ADAMTSL1: variants seen among roughly 807,000 people sequenced by gnomAD.
ADAMTSL1 encodes ADAMTS like 1.
In ADAMTSL1, 126 loss-of-function variants were observed where a neutral mutation model predicts 201.8. The observed-to-expected ratio is 0.62, with a 90% CI of 0.54 to 0.72. The LOEUF (loss-of-function observed/expected upper bound fraction) is 0.72, where lower values mean the gene tolerates loss of function less well. Among genes scored for constraint, ADAMTSL1 ranks in the 30% least tolerant of loss-of-function variants. ADAMTSL1 has a pLI of 0.00. For missense variants in ADAMTSL1, 2,679 were observed against 2,277.8 expected (o/e 1.18, Z -3.59); for synonymous variants, 1,121 against 903.4 (o/e 1.24, Z -4.32).
chr9:18,765,194 A>G (rs1169744483), intron 16 of ADAMTSL1, among the ~76,000 whole-genome samples: 2 of 152,210 alleles, frequency 1.3e-5, no homozygotes, highest in African/African-American at 4.8e-5. Flanking sequence ...TCATAAAAAT[A>G]TTTAGAAAAA....
At chr9:18,229,442 C>T (rs1253068937) in intron 2 of ADAMTSL1, among the ~76,000 whole-genome samples, 1 of 151,834 alleles carries the variant, frequency 6.6e-6, no homozygotes, top group Non-Finnish European at 1.5e-5. Flanking sequence ...TTCCACCCTG[C>T]CAGGAAATAA....
At chr9:18,030,214 G>A (rs1490891762) in intron 1 of ADAMTSL1, among the ~76,000 whole-genome samples, 1 of 152,204 alleles carries the variant, frequency 6.6e-6, no homozygotes, top group Admixed American at 6.5e-5. Context: ...ATACTATGCA[G>A]CCATAAAAAA....
intron 1 of ADAMTSL1, among the ~76,000 whole-genome samples, chr9:18,042,042 A>C (rs559638879): frequency 1.1e-4 from 16 of 151,438 alleles, no homozygotes; most frequent in Non-Finnish European, 2.4e-4. Context: ...TACTCCGTGC[A>C]TGAAGTGCCA....
intron 20 of ADAMTSL1, among the ~76,000 whole-genome samples, chr9:18,816,733 T>C (rs1823874156): frequency 6.8e-6 from 1 of 147,928 alleles, no homozygotes; most frequent in South Asian, 2.2e-4. Flanking sequence ...TTTTTTTTTT[T>C]TTTTTTTTTT....
intron 2 of ADAMTSL1, among the ~76,000 whole-genome samples, chr9:18,323,907 A>T (rs1283395185): frequency 2.0e-5 from 3 of 152,162 alleles, no homozygotes; most frequent in Non-Finnish European, 4.4e-5. Context: ...ACTCTCCTCA[A>T]ATTGACTTAT....
intron 1 of ADAMTSL1, among the ~76,000 whole-genome samples, chr9:17,990,556 C>T (rs1588534381): frequency 6.6e-6 from 1 of 151,962 alleles, no homozygotes; most frequent in African/African-American, 2.4e-5. Flanking sequence ...TAAGTCATTG[C>T]ACTTATTGAC....
intron 23 of ADAMTSL1, among the ~76,000 whole-genome samples, chr9:18,872,489 C>G (rs1827926111): frequency 6.6e-6 from 1 of 152,120 alleles, no homozygotes; most frequent in African/African-American, 2.4e-5. Context: ...TCACCCACCT[C>G]CCATGCTTCC....
chr9:18,028,288 T>C (rs1820786633), intron 1 of ADAMTSL1, among the ~76,000 whole-genome samples: 1 of 152,126 alleles, frequency 6.6e-6, no homozygotes, highest in Non-Finnish European at 1.5e-5. Flanking sequence ...GTAGCAGGTA[T>C]TGTTCCTTTG....
intron 23 of ADAMTSL1, among the ~76,000 whole-genome samples, chr9:18,886,746 A>T (rs1828924877): frequency 6.6e-6 from 1 of 152,208 alleles, no homozygotes; most frequent in African/African-American, 2.4e-5. Flanking sequence ...ATCACCTCCC[A>T]AAGGCCCCAC....
At chr9:17,978,830 A>G (rs1279437592) in intron 1 of ADAMTSL1, among the ~76,000 whole-genome samples, 1 of 152,122 alleles carries the variant, frequency 6.6e-6, no homozygotes, top group African/African-American at 2.4e-5. Flanking sequence ...CAGCTTGAAG[A>G]ACCCTTTAGC....
At chr9:18,647,791 A>G (rs935210260) in intron 7 of ADAMTSL1, among the ~76,000 whole-genome samples, 2 of 151,712 alleles carry the variant, frequency 1.3e-5, no homozygotes, top group African/African-American at 2.4e-5. Flanking sequence ...TTTGCTGTGG[A>G]GAGCTTTACT....
chr9:18,541,670 G>A (rs984100645), intron 3 of ADAMTSL1, among the ~76,000 whole-genome samples: 2 of 152,186 alleles, frequency 1.3e-5, no homozygotes, highest in Non-Finnish European at 2.9e-5. Context: ...CCACTTACCA[G>A]TTATGTGCTT....
chr9:18,111,524 C>T (rs587297), intron 1 of ADAMTSL1, among the ~76,000 whole-genome samples: 21,057 of 152,086 alleles, frequency 0.14, 1,601 homozygotes, highest in East Asian at 0.22. Context: ...AAGTCATTTA[C>T]TGCCAAAAAA....
chr9:18,304,928 T>C (rs1833849692), intron 2 of ADAMTSL1, among the ~76,000 whole-genome samples: 2 of 152,072 alleles, frequency 1.3e-5, no homozygotes, highest in African/African-American at 4.8e-5. Context: ...GATGGCTGAA[T>C]AGGAACAGCT....
chr9:18,105,032 A>G (rs1181668391), intron 1 of ADAMTSL1, among the ~76,000 whole-genome samples: 1 of 152,210 alleles, frequency 6.6e-6, no homozygotes, highest in Non-Finnish European at 1.5e-5. Flanking sequence ...TAAATAAAAA[A>G]AAAATAGCCT....
At chr9:18,271,296 A>C (rs1832351103) in intron 2 of ADAMTSL1, among the ~76,000 whole-genome samples, 1 of 152,072 alleles carries the variant, frequency 6.6e-6, no homozygotes, top group East Asian at 1.9e-4. Context: ...CTCGTCATTT[A>C]CATTAGGTAT....
intron 1 of ADAMTSL1, among the ~76,000 whole-genome samples, chr9:17,917,316 C>A (rs1040487432): frequency 2.0e-5 from 3 of 151,964 alleles, no homozygotes; most frequent in African/African-American, 7.2e-5. Flanking sequence ...GAACAGATAT[C>A]CTTGTCTTGT....
At chr9:17,982,362 C>T (rs536126490) in intron 1 of ADAMTSL1, among the ~76,000 whole-genome samples, 21 of 152,190 alleles carry the variant, frequency 1.4e-4, no homozygotes, top group Non-Finnish European at 1.5e-5. Flanking sequence ...CGTCTGTAAT[C>T]CCAGCACTTT....
chr9:18,567,040 C>T (rs191924522), intron 3 of ADAMTSL1, among the ~76,000 whole-genome samples: 31 of 152,262 alleles, frequency 2.0e-4, no homozygotes, highest in African/African-American at 7.2e-4. Flanking sequence ...GTTTGAAATG[C>T]AAATTATTAA....
Sources: gnomAD v4.1 joint callset for allele counts (sites outside exome capture counted in the v4.1 genomes callset) on GRCh38, gnomAD v4.1.1 for gene constraint, MANE v1.5 for transcripts, NCBI Gene and HGNC (gene_info 2026-07-23, HGNC 2026-07-21) for gene names.